The following AFDN variants were observed in gnomAD, a reference collection of about 807,000 sequenced individuals.
AFDN encodes the protein afadin, adherens junction formation factor.
A neutral mutation model predicts 216.6 loss-of-function variants in AFDN; 68 were observed. That is an observed-to-expected ratio of 0.31 (90% CI 0.26 to 0.38). The LOEUF (loss-of-function observed/expected upper bound fraction) is 0.38, where lower values mean the gene tolerates loss of function less well. Among genes scored for constraint, AFDN ranks in the 10% least tolerant of loss-of-function variants. The pLI, the probability that AFDN is intolerant of heterozygous loss-of-function variation, is 1.00. For synonymous variants in AFDN, 868 were observed against 853.7 expected (o/e 1.02, Z -0.29); for missense variants, 2,136 against 2,342.0 (o/e 0.91, Z 1.82).
At chr6:167,913,938 A>G in intron 16 of AFDN, 1 of 524,644 alleles carries the variant, frequency 1.9e-6, no homozygotes, top group South Asian at 2.8e-5. Flanking sequence ...AGCTAACTGA[A>G]TCCATATGTC....
intron 4 of AFDN, among the ~76,000 whole-genome samples, 159 bp from the exon 5 acceptor site, chr6:167,875,176 T>TA (rs1334432887): frequency 3.3e-5 from 5 of 152,224 alleles, no homozygotes; most frequent in African/African-American, 1.2e-4. Context: ...TTCTTTATCA[T>TA]ATAGTAATTA....
intron 23 of AFDN, among the ~76,000 whole-genome samples, chr6:167,939,611 A>G (rs1794437015): frequency 6.6e-6 from 1 of 152,236 alleles, no homozygotes; most frequent in Non-Finnish European, 1.5e-5. Flanking sequence ...AGCTTAGGAC[A>G]ATACAGGCGC....
intron 20 of AFDN, among the ~76,000 whole-genome samples, chr6:167,917,483 A>C (rs188476837): frequency 1.4e-3 from 214 of 152,292 alleles, no homozygotes; most frequent in Non-Finnish European, 2.6e-3. Flanking sequence ...GGAGGTTAGG[A>C]GGCTGCCCAG....
intron 23 of AFDN, among the ~76,000 whole-genome samples, chr6:167,931,373 G>T (rs925895360): frequency 6.6e-6 from 1 of 152,142 alleles, no homozygotes; most frequent in Non-Finnish European, 1.5e-5. Context: ...GTTCAGGTGA[G>T]TGAATAGATT....
At chr6:167,874,948 A>G (rs1480227381) in intron 4 of AFDN, among the ~76,000 whole-genome samples, 1 of 152,146 alleles carries the variant, frequency 6.6e-6, no homozygotes, top group Non-Finnish European at 1.5e-5. Context: ...AGATTTTTGC[A>G]AAATTAAGTA....
chr6:167,901,581 T>A (rs1255534068), intron 11 of AFDN, among the ~76,000 whole-genome samples: 1 of 152,176 alleles, frequency 6.6e-6, no homozygotes, highest in Non-Finnish European at 1.5e-5. Context: ...GCCTAAGTAG[T>A]GATACTCATG....
intron 26 of AFDN, among the ~76,000 whole-genome samples, chr6:167,945,848 C>T (rs1795196444): frequency 6.6e-6 from 1 of 152,174 alleles, no homozygotes; most frequent in South Asian, 2.1e-4. Context: ...ATAATTAGTT[C>T]AGACACAATA....
At chr6:167,864,831 G>A (rs781745099) in intron 2 of AFDN, 85 bp downstream of exon 2, 2 of 1,333,350 alleles carry the variant, frequency 1.5e-6, no homozygotes, top group South Asian at 2.4e-5. Flanking sequence ...GGTCATGTCA[G>A]GTTTACTGCT....
Position 167,947,831 on chromosome 6 carries a change from T to C in AFDN, c.3554-22T>C, listed in dbSNP as rs374715189. On this transcript the variant is annotated intron_variant, in intron 27 of 33. Transcript: ENST00000683244. Reference sequence around the variant, plus strand: ...TGTTTATTTAATATTACACTTTTTTTTTTCCCCCCTGACTTGAGCAGATCA... The same window carrying C: ...TGTTTATTTAATATTACACTTTTTTCTTTCCCCCCTGACTTGAGCAGATCA... 54 of 1,536,386 alleles carry C rather than the reference T, an allele frequency of 3.5e-5. No homozygotes were observed. In the African/African-American group the frequency reaches 4.4e-4, roughly 13 times the overall value.
chr6:167,834,275 C>G (rs896375823), intron 1 of AFDN, among the ~76,000 whole-genome samples: 1 of 151,944 alleles, frequency 6.6e-6, no homozygotes, highest in African/African-American at 2.4e-5. Flanking sequence ...TCCCCGAGTC[C>G]CCGAAGTCCA....
chr6:167,876,526 A>G (rs1305126358), intron 5 of AFDN, among the ~76,000 whole-genome samples: 1 of 152,250 alleles, frequency 6.6e-6, no homozygotes, highest in African/African-American at 2.4e-5. Context: ...AGAAATGGCT[A>G]CATGTGCTAA....
chr6:167,898,399 G>A lies in AFDN; in HGVS notation c.1512G>A (p.Gln504=). ...SHVFKFVDPS[Q]DHALAKRSVD... is the part of the protein sequence containing the mutation. ...TATTTAAGTTTGTGGACCCCAGTCA[G>A]GATCATGCTCTTGCAAAAAGATCTG... Residue 504 remains glutamine, a synonymous_variant, in exon 11 of 34, where the codon CAG becomes CAA. Coordinates refer to ENST00000683244, the MANE Select transcript of AFDN (RefSeq NM_001386888.1). The A allele has an allele frequency of 6.2e-7, 1 of 1,614,170 alleles. No individual in the cohort carries two copies. The highest frequency in any genetic ancestry group is 8.5e-7 in the Non-Finnish European group (1 of 1,180,018).
intron 5 of AFDN, among the ~76,000 whole-genome samples, chr6:167,878,447 T>TG (rs11379269): frequency 0.011 from 1,685 of 152,284 alleles, 38 homozygotes; most frequent in African/African-American, 0.039. Context: ...CCACTCCTGT[T>TG]GCTAATGTCC....
At chr6:167,946,394 A>C (rs1795266929) in intron 26 of AFDN, among the ~76,000 whole-genome samples, 1 of 152,204 alleles carries the variant, frequency 6.6e-6, no homozygotes. Context: ...AGTCAGGGAA[A>C]CATATATATC....
chr6:167,827,309 GC>G, intron 1 of AFDN, 72 bp downstream of exon 1: 2 of 516,340 alleles, frequency 3.9e-6, no homozygotes, highest in Non-Finnish European at 4.5e-6. Flanking sequence ...CCCCCCCGCC[GC>G]CGCCCGCCAG....
In AFDN at chr6:167,962,775, T is replaced by C. The variant is rs1415787522; in HGVS notation, c.4968+208T>C. The C allele has an allele frequency of 2.9e-6, 4 of 1,400,510 alleles. No individual in the cohort carries two copies. The highest frequency in any genetic ancestry group is 3.7e-6 in the Non-Finnish European group (4 of 1,078,400). The allele number at this position is 1,400,510 out of a possible 1,614,324, so 86.8% of individuals were successfully genotyped here. On this transcript the variant is annotated intron_variant, in intron 31 of 33. Coordinates refer to ENST00000683244, the MANE Select transcript of AFDN (RefSeq NM_001386888.1). The surrounding 1 kb of genome is among the most constrained non-coding windows in gnomAD (Gnocchi z 5.2). ...TCTGGACTGTCTCCAGATCCCCTTA[T>C]CTGCCAAGTTTTGTCTCCTTCAAAC... is the stretch of plus-strand genomic sequence containing the variant.
At chr6:167,901,549 A>AT (rs1788954378) in intron 11 of AFDN, among the ~76,000 whole-genome samples, 1 of 152,226 alleles carries the variant, frequency 6.6e-6, no homozygotes, top group Non-Finnish European at 1.5e-5. Flanking sequence ...ATTATCAAAA[A>AT]TGTCCCACTT....
intron 6 of AFDN, among the ~76,000 whole-genome samples, chr6:167,887,012 CAAAAA>C (rs67970460): frequency 1.1e-5 from 1 of 90,500 alleles, no homozygotes. Context: ...GAGACTGTAT[CAAAAA>C]AAAAAAAAAA....
intron 26 of AFDN, 127 bp from the exon 27 acceptor site, chr6:167,946,580 T>C: frequency 1.5e-6 from 1 of 657,940 alleles, no homozygotes; most frequent in Non-Finnish European, 2.3e-6. Flanking sequence ...TGTTTTATGA[T>C]TCTGTAGGAA....
Sources: gnomAD v4.1 joint callset for allele counts (sites outside exome capture counted in the v4.1 genomes callset) on GRCh38, gnomAD v4.1.1 for gene constraint, Gnocchi (gnomAD v3.1) non-coding constraint, MANE v1.5 for transcripts, NCBI Gene and HGNC (gene_info 2026-07-23, HGNC 2026-07-21) for gene names.